TAFA1: variants seen among roughly 807,000 people sequenced by gnomAD.
The protein encoded by TAFA1 is chemokine-like protein TAFA-1.
TAFA1 carries 4 observed loss-of-function variants against 18.5 expected under a neutral mutation model. The ratio of observed to expected loss-of-function variants is 0.22; its 90% CI spans 0.11 to 0.49. The LOEUF (loss-of-function observed/expected upper bound fraction) is 0.49, where lower values mean the gene tolerates loss of function less well. TAFA1 is among the 20% of genes least tolerant of loss of function. The pLI, the probability that TAFA1 is intolerant of heterozygous loss-of-function variation, is 0.98. For synonymous variants in TAFA1, 56 were observed against 55.2 expected, an observed-to-expected ratio of 1.01 and a Z score of -0.06; for missense variants, 147 against 169.0, an observed-to-expected ratio of 0.87 and a Z score of 0.72.
chr3:67,995,906 A>T, the TAFA1 span, among the ~76,000 whole-genome samples: 1 of 152,198 alleles, frequency 6.6e-6, no homozygotes, highest in East Asian at 1.9e-4. Flanking sequence ...TAAAACACCT[A>T]AAACATGAAT....
At chr3:68,439,414 T>TATATATATATATATATATATATAC (rs1559670672) in intron 3 of TAFA1, among the ~76,000 whole-genome samples, 8 of 46,232 alleles carry the variant, frequency 1.7e-4, no homozygotes, top group African/African-American at 3.9e-4. Context: ...TATACATACA[T>TATATATATATATATATATATATAC]ATATATATAT....
chr3:68,479,239 A>AG (rs1282917420), intron 3 of TAFA1, among the ~76,000 whole-genome samples: 71 of 122,982 alleles, frequency 5.8e-4, no homozygotes, highest in Admixed American at 8.4e-4. Context: ...CAAAAAAAAA[A>AG]AAATATATAT....
At chr3:68,243,639 T>G (rs1343665769) in intron 2 of TAFA1, among the ~76,000 whole-genome samples, 1 of 152,178 alleles carries the variant, frequency 6.6e-6, no homozygotes, top group South Asian at 2.1e-4. Flanking sequence ...TCATTTCTTT[T>G]TATGGCTGAG....
intron 3 of TAFA1, among the ~76,000 whole-genome samples, chr3:68,518,871 T>C (rs1222294843): frequency 6.6e-6 from 1 of 152,182 alleles, no homozygotes; most frequent in Non-Finnish European, 1.5e-5. Context: ...AGTACAACAC[T>C]GGTTTCAGAG....
At chr3:68,066,074 G>A (rs890924483) in intron 2 of TAFA1, among the ~76,000 whole-genome samples, 4 of 152,068 alleles carry the variant, frequency 2.6e-5, no homozygotes, top group Admixed American at 2.0e-4. Flanking sequence ...ACTTGGGAGG[G>A]GGTTGGATAG....
chr3:68,216,136 A>G (rs1035628147), intron 2 of TAFA1, among the ~76,000 whole-genome samples: 1 of 152,064 alleles, frequency 6.6e-6, no homozygotes, highest in African/African-American at 2.4e-5. Context: ...TAAAAAGATT[A>G]GTGGTTGCCA....
At chr3:68,054,359 C>T (rs79067455) in intron 2 of TAFA1, among the ~76,000 whole-genome samples, 8,077 of 152,190 alleles carry the variant, frequency 0.053, 307 homozygotes, top group Middle Eastern at 0.12. Context: ...CACCTCCCCT[C>T]CTCTCTCTCC....
At chr3:68,131,722 A>G (rs1325356721) in intron 2 of TAFA1, among the ~76,000 whole-genome samples, 1 of 152,138 alleles carries the variant, frequency 6.6e-6, no homozygotes, top group African/African-American at 2.4e-5. Context: ...CAATCACTGT[A>G]GTATCCTGGC....
intron 3 of TAFA1, among the ~76,000 whole-genome samples, chr3:68,439,412 C>T (rs796954823): frequency 1.3e-3 from 96 of 73,398 alleles, no homozygotes; most frequent in Non-Finnish European, 1.8e-3. Flanking sequence ...TATATACATA[C>T]ATATATATAT....
At chr3:68,275,787 C>T (rs987652277) in intron 2 of TAFA1, among the ~76,000 whole-genome samples, 1 of 151,996 alleles carries the variant, frequency 6.6e-6, no homozygotes, top group African/African-American at 2.4e-5. Flanking sequence ...TTGTTTAATA[C>T]ACAGAAAGAA....
chr3:68,177,757 G>A (rs2066143398), intron 2 of TAFA1, among the ~76,000 whole-genome samples: 1 of 152,024 alleles, frequency 6.6e-6, no homozygotes, highest in Admixed American at 6.6e-5. Context: ...CTTGTCTTTG[G>A]GCAAATGACT....
chr3:68,288,617 GTC>G (rs1318076453), intron 2 of TAFA1, among the ~76,000 whole-genome samples: 4 of 152,248 alleles, frequency 2.6e-5, no homozygotes, highest in African/African-American at 9.6e-5. Context: ...CAATGCTAAT[GTC>G]TCTCTGTCCT....
intron 2 of TAFA1, among the ~76,000 whole-genome samples, chr3:68,076,614 A>C (rs1351996005): frequency 6.6e-6 from 1 of 152,234 alleles, no homozygotes; most frequent in African/African-American, 2.4e-5. Context: ...AATTTCATCC[A>C]TGTCCCTACA....
intron 2 of TAFA1, among the ~76,000 whole-genome samples, chr3:68,382,664 C>CT (rs2069998564): frequency 6.6e-6 from 1 of 152,012 alleles, no homozygotes; most frequent in South Asian, 2.1e-4. Context: ...CAGCTTTGTT[C>CT]TTTTTGCTTA....
chr3:68,337,491 T>C (rs546218436), intron 2 of TAFA1, among the ~76,000 whole-genome samples: 6 of 152,198 alleles, frequency 3.9e-5, no homozygotes, highest in African/African-American at 1.4e-4. Flanking sequence ...ACGATATCAA[T>C]TGGTGTACAA....
At chr3:68,289,879 A>T (rs1446707482) in intron 2 of TAFA1, among the ~76,000 whole-genome samples, 1 of 152,214 alleles carries the variant, frequency 6.6e-6, no homozygotes, top group African/African-American at 2.4e-5. Context: ...TTAATTTCAG[A>T]TGAATCATTT....
chr3:68,196,322 T>C (rs2066409064), intron 2 of TAFA1, among the ~76,000 whole-genome samples: 1 of 151,784 alleles, frequency 6.6e-6, no homozygotes. Context: ...GGAAGCATTT[T>C]CTAACGGTCT....
At chr3:68,383,082 T>C (rs2070010750) in intron 2 of TAFA1, among the ~76,000 whole-genome samples, 1 of 152,176 alleles carries the variant, frequency 6.6e-6, no homozygotes, top group African/African-American at 2.4e-5. Flanking sequence ...AAGTTGTTTA[T>C]TAGCTTAAGG....
chr3:68,477,050 G>A (rs1202232587), intron 3 of TAFA1, among the ~76,000 whole-genome samples: 1 of 151,974 alleles, frequency 6.6e-6, no homozygotes, highest in Non-Finnish European at 1.5e-5. Context: ...TTCCCCCAAG[G>A]ATATCTATCC....
Sources: allele counts gnomAD v4.1 joint callset (sites outside exome capture counted in the v4.1 genomes callset), GRCh38; gene constraint gnomAD v4.1.1; transcripts MANE v1.5; gene names NCBI Gene and HGNC (gene_info 2026-07-23, HGNC 2026-07-21).